SASH1: variants seen among roughly 807,000 people sequenced by gnomAD.
The protein encoded by SASH1 is SAM and SH3 domain-containing protein 1.
A neutral mutation model predicts 125.2 loss-of-function variants in SASH1; 44 were observed. The ratio of observed to expected loss-of-function variants is 0.35; its 90% confidence interval spans 0.28 to 0.45. The LOEUF (loss-of-function observed/expected upper bound fraction) is 0.45, where lower values mean the gene tolerates loss of function less well. SASH1 is among the 20% of genes least tolerant of loss of function. The pLI, the probability that SASH1 is intolerant of heterozygous loss-of-function variation, is 1.00. For synonymous variants in SASH1, 639 were observed against 649.1 expected (o/e 0.98, Z 0.24); for missense variants, 1,426 against 1,614.5 (o/e 0.88, Z 2.00).
the SASH1 span, chr6:148,240,041 T>G: frequency 2.0e-5 from 3 of 152,210 alleles, no homozygotes; most frequent in Non-Finnish European, 4.4e-5. Context: ...ACAGAAAGCT[T>G]GTACCATGTG....
At chr6:148,435,602 G>A (rs907293090) in intron 2 of SASH1, among the ~76,000 whole-genome samples, 15 of 152,086 alleles carry the variant, frequency 9.9e-5, no homozygotes, top group Non-Finnish European at 2.1e-4. Context: ...GTTGAGCCAC[G>A]TGCTCAAGAT....
the SASH1 span, among the ~76,000 whole-genome samples, chr6:148,236,612 C>T: frequency 6.6e-6 from 1 of 152,084 alleles, no homozygotes; most frequent in Non-Finnish European, 1.5e-5. Flanking sequence ...TGACAGCAAC[C>T]GCTTCTTGAC....
chr6:148,304,869 A>G (rs923020740), intron 1 of SASH1, among the ~76,000 whole-genome samples: 11 of 152,116 alleles, frequency 7.2e-5, no homozygotes, highest in Non-Finnish European at 1.3e-4. Context: ...CTCTATTAAA[A>G]ATACAAAAAT....
At chr6:148,272,932 T>C (rs1372884847) in intron 1 of SASH1, among the ~76,000 whole-genome samples, 2 of 152,108 alleles carry the variant, frequency 1.3e-5, no homozygotes, top group African/African-American at 4.8e-5. Flanking sequence ...ATTCTACAGA[T>C]TGTGAAGGTC....
chr6:148,404,940 C>A (rs768162390), intron 2 of SASH1, among the ~76,000 whole-genome samples: 23 of 151,500 alleles, frequency 1.5e-4, no homozygotes, highest in Non-Finnish European at 2.6e-4. Flanking sequence ...CAAGGAGCTG[C>A]AGAATAGCAG....
rs569985498 is a variant in SASH1 at position 148,330,765 on chromosome 6, T to A, written n.74+58388T>A. 2.6e-5 allele frequency among the ~76,000 whole-genome samples: 4 copies of A among 152,254 alleles called. No homozygotes were observed. In the East Asian group the frequency reaches 7.7e-4, roughly 29 times the overall value. On this transcript the variant is annotated intron_variant and non_coding_transcript_variant, in intron 1 of 3. Transcript: ENST00000367469. ...CACGACCGGCTAATTTTTTTATTTT[T>A]AGCAGAGATGGGGTTTCGCCATGTT...
intron 1 of SASH1, among the ~76,000 whole-genome samples, chr6:148,387,644 CTTTCTTTCTTTCTTTCTTTCTTTCTTT>C (rs1783502708): frequency 1.6e-4 from 7 of 44,450 alleles, no homozygotes; most frequent in African/African-American, 6.2e-4. Flanking sequence ...TTCTTTCTTT[CTTTCTTTCTTTCTTTCTTTCTTTCTTT>C]CTTTCTTTCT....
chr6:148,508,806 G>A (rs553213912), intron 8 of SASH1: 55 of 765,152 alleles, frequency 7.2e-5, no homozygotes, highest in Middle Eastern at 2.7e-4. Flanking sequence ...GACGCTCTCC[G>A]AGTGGGGAGG....
chr6:148,396,501 AAAG>A (rs1562378834), intron 2 of SASH1, among the ~76,000 whole-genome samples: 1 of 148,776 alleles, frequency 6.7e-6, no homozygotes, highest in Non-Finnish European at 1.5e-5. Flanking sequence ...AAAAAAAAAA[AAAG>A]AAAGAAAGAG....
At chr6:148,331,954 G>A (rs887872477) in intron 1 of SASH1, among the ~76,000 whole-genome samples, 1 of 152,162 alleles carries the variant, frequency 6.6e-6, no homozygotes, top group East Asian at 1.9e-4. Flanking sequence ...AAAGTGCTGG[G>A]ATTACAGGTG....
chr6:148,331,588 C>T (rs1035381881), intron 1 of SASH1, among the ~76,000 whole-genome samples: 1 of 152,180 alleles, frequency 6.6e-6, no homozygotes, highest in Non-Finnish European at 1.5e-5. Flanking sequence ...CTCAGCCTCC[C>T]AAAGTGCTAG....
At chr6:148,446,118 T>TTC (rs1776769238) in intron 4 of SASH1, among the ~76,000 whole-genome samples, 2 of 38,870 alleles carry the variant, frequency 5.1e-5, no homozygotes, top group South Asian at 1.0e-3. Context: ...TTTTTTTTTT[T>TTC]TTTTTTTTGA....
rs138284747 is a variant in SASH1 at position 148,500,109 on chromosome 6, G to A, written c.729+12394G>A. Among the ~76,000 whole-genome samples, 20 of 152,018 alleles carry A rather than the reference G, an allele frequency of 1.3e-4. No homozygotes were observed. The East Asian group carries it at 3.9e-3, about 29-fold the overall frequency. On this transcript the variant is annotated intron_variant, in intron 8 of 19. Coordinates refer to ENST00000367467, the MANE Select transcript of SASH1 (RefSeq NM_015278.5). ...CCCCTCTCTTTGCCGTAGTTTGTTT[G>A]TATAGTTGTCATGTCCTTGGTCCTG... is the stretch of plus-strand genomic sequence containing the variant.
intron 8 of SASH1, among the ~76,000 whole-genome samples, chr6:148,490,460 G>A (rs1268098457): frequency 1.3e-5 from 2 of 152,096 alleles, no homozygotes; most frequent in African/African-American, 2.4e-5. Flanking sequence ...CACCCACCTC[G>A]GGCTCCCAAA....
intron 4 of SASH1, among the ~76,000 whole-genome samples, chr6:148,462,515 T>C (rs1777661103): frequency 6.6e-6 from 1 of 152,168 alleles, no homozygotes; most frequent in Non-Finnish European, 1.5e-5. Context: ...GTTTGAGCCA[T>C]AGTATTTGGC....
At chr6:148,463,000 G>A (rs1336126626) in intron 4 of SASH1, among the ~76,000 whole-genome samples, 1 of 152,126 alleles carries the variant, frequency 6.6e-6, no homozygotes, top group Non-Finnish European at 1.5e-5. Flanking sequence ...CTATACAAGT[G>A]TAAAGAATTT....
chr6:148,253,146 G>T, the SASH1 span, among the ~76,000 whole-genome samples: 3 of 152,146 alleles, frequency 2.0e-5, no homozygotes, highest in African/African-American at 7.2e-5. Flanking sequence ...AAAAAGAAGA[G>T]CAAAGCTAGA....
At chr6:148,369,500 G>A (rs999281248) in intron 1 of SASH1, among the ~76,000 whole-genome samples, 10 of 152,164 alleles carry the variant, frequency 6.6e-5, no homozygotes, top group Admixed American at 2.6e-4. Flanking sequence ...ACTGTTCTGA[G>A]TGTTCTACAT....
At chr6:148,252,372 G>A in the SASH1 span, among the ~76,000 whole-genome samples, 2 of 152,060 alleles carry the variant, frequency 1.3e-5, no homozygotes, top group South Asian at 2.1e-4. Context: ...TTTTTAGGAT[G>A]TGATTATATT....
Sources: gnomAD v4.1 joint callset for allele counts (sites outside exome capture counted in the v4.1 genomes callset) on GRCh38, gnomAD v4.1.1 for gene constraint, MANE v1.5 for transcripts, NCBI Gene and HGNC (gene_info 2026-07-23, HGNC 2026-07-21) for gene names.